The following CNBD1 variants were observed in gnomAD, a reference collection of about 807,000 sequenced individuals.
CNBD1 encodes the protein cyclic nucleotide binding domain containing 1.
CNBD1 carries 71 observed loss-of-function variants against 54.4 expected under a neutral mutation model. That is an observed-to-expected ratio of 1.30 (90% CI 1.08 to 1.59). CNBD1 has a LOEUF of 1.59. CNBD1 is among the 40% of genes most tolerant of loss of function. The pLI is 0.00. For missense variants in CNBD1, 659 were observed against 518.0 expected (o/e 1.27, Z -2.64); for synonymous variants, 182 against 170.7 (o/e 1.07, Z -0.51).
intron 8 of CNBD1, among the ~76,000 whole-genome samples, chr8:87,326,212 C>G (rs1190123368): frequency 1.6e-5 from 2 of 123,648 alleles, no homozygotes; most frequent in Non-Finnish European, 3.6e-5. Flanking sequence ...GGTAACCCGA[C>G]CTTTCTCTCT....
rs117627276 is a variant in CNBD1 at position 87,412,577 on chromosome 8, A to G, written c.214-15969A>G. Among the ~76,000 whole-genome samples, 1,481 of 152,212 alleles carry G rather than the reference A, an allele frequency of 9.7e-3. 8 individuals are homozygous for G. Among genetic ancestry groups the G allele is most frequent in the South Asian group, 0.023 (113 of 4,826 alleles). On this transcript the variant is annotated intron_variant, in intron 2 of 7. Transcript: ENST00000521593. Reference sequence around the variant, plus strand: ...TCACCAAGAAAAATCACCAAGAGAAATAGGAACTTCACTATGCTAATAGAC... The same window carrying G: ...TCACCAAGAAAAATCACCAAGAGAAGTAGGAACTTCACTATGCTAATAGAC...
chr8:86,911,600 A>G (rs10088003), intron 3 of CNBD1, among the ~76,000 whole-genome samples: 65,107 of 151,922 alleles, frequency 0.43, 14,578 homozygotes, highest in African/African-American at 0.56. Flanking sequence ...GAACATTTGA[A>G]TTATTCTCTA....
chr8:87,259,224 C>T (rs11985875), intron 6 of CNBD1, among the ~76,000 whole-genome samples: 43,419 of 152,068 alleles, frequency 0.29, 6,710 homozygotes, highest in African/African-American at 0.4. Context: ...TCTTTTTAAA[C>T]AACCCGTCAC....
chr8:86,939,569 C>T, intron 3 of CNBD1, 27 bp from the exon 4 acceptor site: 1 of 1,528,736 alleles, frequency 6.5e-7, no homozygotes, highest in Non-Finnish European at 8.8e-7. Context: ...TATACAACAG[C>T]ATAAAATACT....
intron 4 of CNBD1, among the ~76,000 whole-genome samples, chr8:86,984,388 A>G (rs1808558045): frequency 6.6e-6 from 1 of 152,170 alleles, no homozygotes; most frequent in Non-Finnish European, 1.5e-5. Context: ...CCCAACACAG[A>G]GTCCCTACTG....
chr8:87,179,431 A>C (rs117812620), intron 4 of CNBD1, among the ~76,000 whole-genome samples: 117 of 152,316 alleles, frequency 7.7e-4, no homozygotes, highest in Non-Finnish European at 1.4e-3. Context: ...TTGCTCTCTT[A>C]AAGAAGAGTC....
rs571305723 is a variant in CNBD1 at position 87,032,972 on chromosome 8, C to G, written c.431+93218C>G. Among the ~76,000 whole-genome samples, 5 of 152,308 alleles carry G rather than the reference C, an allele frequency of 3.3e-5. No homozygotes were observed. The South Asian group carries it at 1.0e-3, about 32-fold the overall frequency. ...TCATATCTTGAAACCCTTCATCCCA[C>G]TCCCTCTTTGCTGTATCGACAATCT... is the stretch of plus-strand genomic sequence containing the variant. On this transcript the variant is annotated intron_variant, in intron 4 of 10. Transcript: ENST00000518476.
At chr8:86,935,045 A>G (rs1450369256) in intron 3 of CNBD1, among the ~76,000 whole-genome samples, 1 of 150,398 alleles carries the variant, frequency 6.6e-6, no homozygotes, top group African/African-American at 2.5e-5. Flanking sequence ...TTATTTATTT[A>G]TTTATTTTGA....
intron 8 of CNBD1, among the ~76,000 whole-genome samples, chr8:87,298,231 G>T (rs1238191285): frequency 6.6e-6 from 1 of 151,694 alleles, no homozygotes; most frequent in Non-Finnish European, 1.5e-5. Flanking sequence ...AATAGACTAT[G>T]CATGTTTATA....
At chr8:87,069,697 T>A (rs1043771928) in intron 4 of CNBD1, among the ~76,000 whole-genome samples, 1 of 152,144 alleles carries the variant, frequency 6.6e-6, no homozygotes, top group Non-Finnish European at 1.5e-5. Context: ...ATGTTAGGAA[T>A]CTACTGGAGT....
Position 87,410,022 on chromosome 8 carries a change from C to A in CNBD1, c.214-18524C>A, listed in dbSNP as rs528316623. 4.6e-3 allele frequency among the ~76,000 whole-genome samples: 649 copies of A among 140,386 alleles called. 1 individual carries two copies. Among genetic ancestry groups the A allele is most frequent in the African/African-American group, 0.016 (598 of 38,286 alleles). The allele number at this position is 140,386 out of a possible 152,430, so 92.1% of individuals were successfully genotyped here. A position where few individuals can be genotyped will look rare whatever the true frequency, so the allele number is the denominator to read the frequency against. On this transcript the variant is annotated intron_variant, in intron 2 of 7. Transcript: ENST00000521593. ...TGGGTGACAGAGCGAGACTCTGTTTCAAAAAAAAAAAGAATTAAGTTAAAT... is the reference window on the plus strand; with the variant it reads ...TGGGTGACAGAGCGAGACTCTGTTTAAAAAAAAAAAAGAATTAAGTTAAAT...
At chr8:87,156,037 A>G (rs1812727186) in intron 4 of CNBD1, among the ~76,000 whole-genome samples, 1 of 152,042 alleles carries the variant, frequency 6.6e-6, no homozygotes, top group African/African-American at 2.4e-5. Context: ...ACTAACATTT[A>G]CGGGGCAGTT....
chr8:87,421,923 C>A (rs1374606763), intron 2 of CNBD1, among the ~76,000 whole-genome samples: 1 of 148,776 alleles, frequency 6.7e-6, no homozygotes, highest in African/African-American at 2.5e-5. Flanking sequence ...TCTCCACATC[C>A]TCTCCAGCAC....
At chr8:87,243,554 T>G (rs1176291095) in intron 6 of CNBD1, among the ~76,000 whole-genome samples, 1 of 152,190 alleles carries the variant, frequency 6.6e-6, no homozygotes, top group African/African-American at 2.4e-5. Context: ...CTTCACAGAT[T>G]CATTCCTGGT....
chr8:87,152,094 T>C lies in CNBD1; in HGVS notation c.432-53899T>C, dbSNP rs547337602. 1.1e-3 allele frequency among the ~76,000 whole-genome samples: 162 copies of C among 152,024 alleles called. 3 individuals are homozygous for C. The highest frequency in any genetic ancestry group is 3.7e-3 in the African/African-American group (152 of 41,478). ...TAAAGTTTTGACAATAAGAGAAAAT[T>C]GAAAGTGTTTAATGTGAAGACTGGC... On this transcript the variant is annotated intron_variant, in intron 4 of 10. Transcript: ENST00000518476.
chr8:87,020,463 C>T lies in CNBD1; in HGVS notation c.431+80709C>T, dbSNP rs572188010. Among the ~76,000 whole-genome samples, 3 of 152,236 alleles carry T rather than the reference C, an allele frequency of 2.0e-5. No homozygotes were observed. In the South Asian group the frequency reaches 6.2e-4, roughly 32 times the overall value. On this transcript the variant is annotated intron_variant, in intron 4 of 10. Transcript: ENST00000518476. ...TGGGAACCGATGCTGTTTAGTTGGCCTGCAGGTGCATTCTGTGGAAAGCTT... is the reference window on the plus strand; with the variant it reads ...TGGGAACCGATGCTGTTTAGTTGGCTTGCAGGTGCATTCTGTGGAAAGCTT...
At chr8:87,363,794 T>A (rs950177750) in intron 10 of CNBD1, among the ~76,000 whole-genome samples, 1 of 151,976 alleles carries the variant, frequency 6.6e-6, no homozygotes, top group Non-Finnish European at 1.5e-5. Flanking sequence ...TTTTCTCCCA[T>A]TCTGTAGGTT....
At chr8:86,890,465 A>AT (rs1184076081) in intron 2 of CNBD1, among the ~76,000 whole-genome samples, 1 of 151,934 alleles carries the variant, frequency 6.6e-6, no homozygotes, top group African/African-American at 2.4e-5. Flanking sequence ...TAAGTACCAC[A>AT]TTTTTTTAGC....
intron 3 of CNBD1, among the ~76,000 whole-genome samples, chr8:86,916,492 C>T (rs1200338251): frequency 1.3e-5 from 2 of 152,142 alleles, no homozygotes; most frequent in East Asian, 3.9e-4. Flanking sequence ...TATGCGTGCT[C>T]TCTTGAGGCA....
Sources: gnomAD v4.1 joint callset for allele counts (sites outside exome capture counted in the v4.1 genomes callset) on GRCh38, gnomAD v4.1.1 for gene constraint, MANE v1.5 for transcripts, NCBI Gene and HGNC (gene_info 2026-07-23, HGNC 2026-07-21) for gene names.